Variants in KCNV2 observed in about 807,000 individuals in gnomAD.
KCNV2 encodes potassium voltage-gated channel subfamily V member 2.
KCNV2 carries 65 observed loss-of-function variants against 37.0 expected under a neutral mutation model. That is an observed-to-expected ratio of 1.76 (90% CI 1.44 to 2.16). KCNV2 has a LOEUF of 2.16. KCNV2 is among the 30% of genes most tolerant of loss of function. KCNV2 has a pLI of 0.00. For missense variants in KCNV2, 1,232 were observed against 766.7 expected (o/e 1.61, Z -7.17); for synonymous variants, 518 against 328.6 (o/e 1.58, Z -6.23).
Position 2,718,648 on chromosome 9 carries a change from G to A in KCNV2, c.909G>A (p.Glu303=), listed in dbSNP as rs763230642. 3 of 1,613,322 alleles carry A rather than the reference G, an allele frequency of 1.9e-6. No individual in the cohort carries two copies. Among genetic ancestry groups the A allele is most frequent in the Non-Finnish European group, 8.5e-7 (1 of 1,179,834 alleles). The change falls in exon 1 of 2, where the codon GAG becomes GAA. Residue 303 remains glutamate, a synonymous_variant. Coordinates refer to ENST00000382082, the MANE Select transcript of KCNV2 (RefSeq NM_133497.4). ...EGGPDLRPIL[E]HVEMLCMGFF... ...GCCCAGACCTGCGGCCCATCCTGGA[G>A]CACGTGGAGATGCTGTGCATGGGCT...
chr9:2,719,364 A>T (rs1196351687), intron 1 of KCNV2, among the ~76,000 whole-genome samples: 1 of 152,186 alleles, frequency 6.6e-6, no homozygotes, highest in East Asian at 1.9e-4. Flanking sequence ...ACAGGTTTTA[A>T]AGAAGATGCG....
In KCNV2 at chr9:2,730,030, GGACTT is replaced by G. The variant is rs965531069; in HGVS notation, c.*306_*310del. 3 of 310,990 alleles carry G rather than the reference GGACTT, an allele frequency of 9.6e-6. No homozygotes were observed. Among genetic ancestry groups the G allele is most frequent in the African/African-American group, 6.4e-5 (3 of 46,724 alleles). The allele number at this position is 310,990 out of a possible 1,614,324, so 19.3% of individuals were successfully genotyped here. ...GGCATCTAGCTCAATAAATATTTTT[GGACTT>G]GAGTTGACTTGAGAAAATTTTTTTT... is the stretch of plus-strand genomic sequence containing the variant. On this transcript the variant is annotated 3_prime_UTR_variant, in exon 2 of 2. Coordinates refer to ENST00000382082, the MANE Select transcript of KCNV2 (RefSeq NM_133497.4).
chr9:2,718,506 C>G lies in KCNV2; in HGVS notation c.767C>G (p.Ser256Trp), dbSNP rs104894116. Residue 256 changes from serine to tryptophan, a missense_variant, in exon 1 of 2, where the codon TCG (serine) becomes TGG (tryptophan). Ser to Trp is a radical substitution (Grantham distance 177). Transcript: ENST00000382082. Reference protein sequence around the residue: ...LWNLMEKPFSSVAAKAIGVAS... With the variant: ...LWNLMEKPFSWVAAKAIGVAS... ...AACCTCATGGAGAAGCCATTCTCCT[C>G]GGTGGCCGCCAAGGCCATCGGGGTG... is the stretch of plus-strand genomic sequence containing the variant. The G allele has an allele frequency of 9.3e-6, 15 of 1,610,624 alleles. No homozygotes were observed. The highest frequency in any genetic ancestry group is 1.3e-5 in the African/African-American group (1 of 75,028).
In KCNV2 at chr9:2,729,785, T is replaced by G; in HGVS notation, c.*58T>G. On this transcript the variant is annotated 3_prime_UTR_variant, in exon 2 of 2. Coordinates refer to ENST00000382082, the MANE Select transcript of KCNV2 (RefSeq NM_133497.4). Reference sequence around the variant, plus strand: ...TGAACTTCAAGGCTTCATTGCTCTTTTTTTAATCATTATGATTGGCAGCAA... The same window carrying G: ...TGAACTTCAAGGCTTCATTGCTCTTGTTTTAATCATTATGATTGGCAGCAA... 1 of 1,547,808 alleles carries G rather than the reference T, an allele frequency of 6.5e-7. No individual in the cohort carries two copies. Among genetic ancestry groups the G allele is most frequent in the Non-Finnish European group, 8.9e-7 (1 of 1,120,582 alleles).
chr9:2,722,150 GTTAT>G (rs1198070238), intron 1 of KCNV2, among the ~76,000 whole-genome samples: 1 of 127,314 alleles, frequency 7.9e-6, no homozygotes. Context: ...TAAATTAGAA[GTTAT>G]TTATAAATAA....
At chr9:2,722,504 T>G (rs1328354910) in intron 1 of KCNV2, among the ~76,000 whole-genome samples, 2 of 135,752 alleles carry the variant, frequency 1.5e-5, no homozygotes, top group African/African-American at 3.0e-5. Flanking sequence ...TATTTATAAA[T>G]AAGTTATTTA....
rs139505822 is a variant in KCNV2, at chr9:2,718,651, C to T, written c.912C>T (p.His304=). ...GGPDLRPILE[H]VEMLCMGFFT... ...CAGACCTGCGGCCCATCCTGGAGCA[C>T]GTGGAGATGCTGTGCATGGGCTTCT... The change falls in exon 1 of 2, where the codon CAC becomes CAT. Residue 304 remains histidine, a synonymous_variant. Transcript: ENST00000382082. 13 of 1,613,308 alleles carry T rather than the reference C, an allele frequency of 8.1e-6. No individual in the cohort carries two copies. Among genetic ancestry groups the T allele is most frequent in the African/African-American group, 4.0e-5 (3 of 75,060 alleles).
chr9:2,726,056 T>A (rs547048708), intron 1 of KCNV2, among the ~76,000 whole-genome samples: 1 of 152,192 alleles, frequency 6.6e-6, no homozygotes, highest in Non-Finnish European at 1.5e-5. Context: ...TTAAGATGGA[T>A]TGCGGAAATT....
In KCNV2 at chr9:2,718,661, C is replaced by G. The variant is rs778517150; in HGVS notation, c.922C>G (p.Leu308Val). ...GCCCATCCTGGAGCACGTGGAGATG[C>G]TGTGCATGGGCTTCTTCACGCTCGA... ...LRPILEHVEM[L>V]CMGFFTLEYL... The change falls in exon 1 of 2, where the codon CTG becomes GTG. Residue 308 changes from leucine (L) to valine (V), a missense_variant. Coordinates refer to ENST00000382082, the MANE Select transcript of KCNV2 (RefSeq NM_133497.4). 54 of 1,613,372 alleles carry G rather than the reference C, an allele frequency of 3.3e-5. No individual in the cohort carries two copies. The South Asian group carries it at 5.2e-4, about 15-fold the overall frequency.
rs530041919 is a variant in KCNV2 at position 2,721,950 on chromosome 9, G to C, written c.1356+2855G>C. Among the ~76,000 whole-genome samples, 7 of 151,768 alleles carry C rather than the reference G, an allele frequency of 4.6e-5. No individual in the cohort carries two copies. The South Asian group carries it at 6.2e-4, about 14-fold the overall frequency. ...AAGTAACTGATCTAGTGGTTTCTAA[G>C]CATTTTATTAATCATGCATCTTATT... On this transcript the variant is annotated intron_variant, in intron 1 of 1. Transcript: ENST00000382082.
At chr9:2,720,539 T>G (rs1032793585) in intron 1 of KCNV2, 3 of 152,230 alleles carry the variant, frequency 2.0e-5, no homozygotes, top group African/African-American at 7.2e-5. Flanking sequence ...ATCCCTATAG[T>G]AGATAAACCA....
intron 1 of KCNV2, chr9:2,720,535 A>G (rs1206734206): frequency 1.3e-5 from 2 of 152,192 alleles, no homozygotes; most frequent in Non-Finnish European, 2.9e-5. Flanking sequence ...GGTCATCCCT[A>G]TAGTAGATAA....
At chr9:2,722,404 T>C (rs1014631830) in intron 1 of KCNV2, among the ~76,000 whole-genome samples, 2 of 139,964 alleles carry the variant, frequency 1.4e-5, no homozygotes, top group Non-Finnish European at 3.0e-5. Flanking sequence ...AAGTTATTTA[T>C]AAATAAGTTA....
intron 1 of KCNV2, among the ~76,000 whole-genome samples, chr9:2,720,892 T>G (rs1009506333): frequency 6.6e-6 from 1 of 152,246 alleles, no homozygotes; most frequent in Non-Finnish European, 1.5e-5. Context: ...TTACTCAGGT[T>G]GTATTTTTAC....
At position 2,728,774 on chromosome 9, in the gene KCNV2, T is replaced by C. The variant is rs532889232; in HGVS notation, c.1357-672T>C. ...AGATGAGAGGAAGACAATGGAGGAG[T>C]TTCATGCCTTTTGTATGCCTGGTAC... On this transcript the variant is annotated intron_variant, in intron 1 of 1. Transcript: ENST00000382082. Among the ~76,000 whole-genome samples, 16 of 151,754 alleles carry C rather than the reference T, an allele frequency of 1.1e-4. 1 individual carries two copies. In the South Asian group the frequency reaches 3.3e-3, roughly 32 times the overall value.
intron 1 of KCNV2, chr9:2,720,658 G>A (rs746288401): frequency 6.6e-6 from 1 of 152,142 alleles, no homozygotes; most frequent in Non-Finnish European, 1.5e-5. Context: ...CTGATGATAT[G>A]ATACAACACT....
rs779474861 is a variant in KCNV2 at position 2,718,331 on chromosome 9, T to C, written c.592T>C (p.Cys198Arg). Residue 198 changes from cysteine to arginine, a missense_variant, in exon 1 of 2, where the codon TGC becomes CGC. Coordinates refer to ENST00000382082, the MANE Select transcript of KCNV2 (RefSeq NM_133497.4). Reference protein sequence around the residue: ...WGVRLKYTPRCCRICFEERRD... With the variant: ...WGVRLKYTPRRCRICFEERRD... ...CGTGCGGCTCAAGTACACGCCACGC[T>C]GCTGCCGCATCTGCTTCGAGGAGCG... The C allele has an allele frequency of 2.5e-6, 4 of 1,603,846 alleles. No individual in the cohort carries two copies. Among genetic ancestry groups the C allele is most frequent in the South Asian group, 2.2e-5 (2 of 90,140 alleles).
chr9:2,717,968 C>G lies in KCNV2; in HGVS notation c.229C>G (p.Gln77Glu). The G allele has an allele frequency of 3.7e-6, 6 of 1,614,146 alleles. No individual in the cohort carries two copies. The highest frequency in any genetic ancestry group is 3.3e-5 in the South Asian group (3 of 91,086). Reference sequence around the variant, plus strand: ...GGACGACCTGGCAGAAGAGGACCAGCAGGCAGGGGAGGTCACCACCGCCAA... The same window carrying G: ...GGACGACCTGGCAGAAGAGGACCAGGAGGCAGGGGAGGTCACCACCGCCAA... ...WKDDLAEEDQQAGEVTTAKPE... is the reference protein window; with the variant it reads ...WKDDLAEEDQEAGEVTTAKPE... Residue 77 changes from glutamine to glutamate, a missense_variant, in exon 1 of 2, where the codon CAG becomes GAG. Transcript: ENST00000382082.
At position 2,717,630 on chromosome 9, in the gene KCNV2, C is replaced by T; in HGVS notation, c.-110C>T. The T allele has an allele frequency of 7.0e-7, 1 of 1,433,880 alleles. No homozygotes were observed. Among genetic ancestry groups the T allele is most frequent in the Non-Finnish European group, 9.8e-7 (1 of 1,025,228 alleles). 88.8% of individuals were successfully genotyped at this position (1,433,880 alleles called of 1,614,324 possible). A position where few individuals can be genotyped will look rare whatever the true frequency, so the allele number is the denominator to read the frequency against. ...CCTAGCTGTGCTGGTCCGGGCTGGC[C>T]TCTCTAAGACAGTGCAGGCCACGTG... On this transcript the variant is annotated 5_prime_UTR_variant, in exon 1 of 2. Coordinates refer to ENST00000382082, the MANE Select transcript of KCNV2 (RefSeq NM_133497.4).
Sources: gnomAD v4.1 joint callset for allele counts (sites outside exome capture counted in the v4.1 genomes callset) on GRCh38, gnomAD v4.1.1 for gene constraint, MANE v1.5 for transcripts, NCBI Gene and HGNC (gene_info 2026-07-23, HGNC 2026-07-21) for gene names.